The following DPP6 variants were observed in gnomAD, a reference collection of about 807,000 sequenced individuals.
The protein encoded by DPP6 is dipeptidyl peptidase like 6.
DPP6 carries 69 observed loss-of-function variants against 122.6 expected under a neutral mutation model. The observed-to-expected ratio is 0.56, with a 90% CI of 0.46 to 0.69. DPP6 has a LOEUF of 0.69. Ranked by LOEUF, DPP6 falls within the 30% of genes least tolerant of loss-of-function variation. DPP6 has a pLI of 0.00. For missense variants in DPP6, 928 were observed against 1,116.9 expected (o/e 0.83, Z 2.41); for synonymous variants, 418 against 433.1 (o/e 0.97, Z 0.43).
At chr7:154,767,158 C>T (rs1408164051) in intron 8 of DPP6, among the ~76,000 whole-genome samples, 7 of 152,108 alleles carry the variant, frequency 4.6e-5, no homozygotes, top group African/African-American at 1.4e-4. Context: ...TGGATTTTCC[C>T]GAGTCGGCTG....
At chr7:154,788,865 C>T (rs1248616314) in intron 10 of DPP6, among the ~76,000 whole-genome samples, 1 of 152,202 alleles carries the variant, frequency 6.6e-6, no homozygotes, top group African/African-American at 2.4e-5. Context: ...ATGTCACCTT[C>T]CTCTGCCTTG....
intron 10 of DPP6, among the ~76,000 whole-genome samples, chr7:154,788,836 T>A (rs1797497847): frequency 6.6e-6 from 1 of 152,182 alleles, no homozygotes; most frequent in African/African-American, 2.4e-5. Flanking sequence ...GGAAGGCTCA[T>A]CTTCTTCTTT....
chr7:153,938,582 G>A (rs774262942), intron 1 of DPP6, among the ~76,000 whole-genome samples: 19 of 152,194 alleles, frequency 1.2e-4, no homozygotes, highest in South Asian at 6.2e-4. Context: ...TTGCTAATGC[G>A]TTCATTACAT....
chr7:153,976,342 A>G (rs112886215), intron 1 of DPP6, among the ~76,000 whole-genome samples: 6,184 of 152,270 alleles, frequency 0.041, 162 homozygotes, highest in South Asian at 0.064. Context: ...CTAACAGACA[A>G]CAGTGTGGAA....
chr7:154,043,471 A>G (rs999881174), intron 1 of DPP6, among the ~76,000 whole-genome samples: 9 of 142,132 alleles, frequency 6.3e-5, no homozygotes, highest in African/African-American at 2.3e-4. Flanking sequence ...AAATGCTCAG[A>G]TAAGTATACC....
At chr7:154,864,282 A>T (rs3800574) in intron 17 of DPP6, among the ~76,000 whole-genome samples, 38,683 of 152,090 alleles carry the variant, frequency 0.25, 6,919 homozygotes, top group East Asian at 0.51. Context: ...CACAGTGGTG[A>T]TTCCATCAAT....
At position 154,483,381 on chromosome 7, in the gene DPP6, C is replaced by A. The variant is rs2151374545; in HGVS notation, c.457+8344C>A. On this transcript the variant is annotated intron_variant, in intron 3 of 25. Coordinates refer to ENST00000377770, the MANE Select transcript of DPP6 (RefSeq NM_130797.4). The surrounding 1 kb of genome is among the most constrained non-coding windows in gnomAD (Gnocchi z 8.1). ...TTTCTGTTAAAGGTAAACTGAGGCA[C>A]AATACAATTTTTTTTTTTTTAAAAG... is the stretch of plus-strand genomic sequence containing the variant. 8.2e-6 allele frequency among the ~76,000 whole-genome samples: 1 copy of A among 121,228 alleles called. No individual in the cohort carries two copies. Among genetic ancestry groups the A allele is most frequent in the African/African-American group, 3.3e-5 (1 of 30,286 alleles). The allele number at this position is 121,228 out of a possible 152,430, so 79.5% of individuals were successfully genotyped here.
the DPP6 span, among the ~76,000 whole-genome samples, chr7:153,790,335 C>A: frequency 7.1e-6 from 1 of 141,620 alleles, no homozygotes; most frequent in Non-Finnish European, 1.6e-5. Context: ...ACTAAATGAA[C>A]AAATAATTTC....
intron 2 of DPP6, among the ~76,000 whole-genome samples, chr7:154,452,364 G>T (rs771047780): frequency 6.6e-6 from 1 of 152,128 alleles, no homozygotes; most frequent in Non-Finnish European, 1.5e-5. Context: ...GCCAAGGCAG[G>T]AGTGGCTTCC....
At chr7:154,580,166 CACACACACAT>C (rs1445972178) in intron 5 of DPP6, among the ~76,000 whole-genome samples, 1 of 148,066 alleles carries the variant, frequency 6.8e-6, no homozygotes, top group Non-Finnish European at 1.5e-5. Context: ...CACACACACA[CACACACACAT>C]GCACACATAC....
chr7:154,397,512 A>G (rs1294312640), intron 1 of DPP6, among the ~76,000 whole-genome samples: 1 of 152,250 alleles, frequency 6.6e-6, no homozygotes, highest in Non-Finnish European at 1.5e-5. Flanking sequence ...CACCTGCACT[A>G]TTGAATAAAA....
chr7:153,794,746 A>G, the DPP6 span, among the ~76,000 whole-genome samples: 13 of 152,222 alleles, frequency 8.5e-5, no homozygotes, highest in East Asian at 2.1e-3. Flanking sequence ...CAGAATTTCC[A>G]TATGTTGTAG....
chr7:153,912,815 C>G (rs542452106), intron 1 of DPP6, among the ~76,000 whole-genome samples: 1 of 152,080 alleles, frequency 6.6e-6, no homozygotes, highest in African/African-American at 2.4e-5. Flanking sequence ...CTGTTAGAGC[C>G]CCACACAGCA....
intron 3 of DPP6, among the ~76,000 whole-genome samples, chr7:154,525,065 T>C (rs1021133316): frequency 5.3e-5 from 8 of 152,222 alleles, no homozygotes; most frequent in African/African-American, 1.7e-4. Context: ...GTGTGTAGTT[T>C]TGAACAATAA....
the DPP6 span, among the ~76,000 whole-genome samples, chr7:153,841,919 T>A: frequency 9.2e-5 from 14 of 151,956 alleles, no homozygotes; most frequent in East Asian, 2.7e-3. Flanking sequence ...ACAAAATAAC[T>A]GTGTCATTCT....
In DPP6 at chr7:154,403,907, C is replaced by T. The variant is rs1815856504; in HGVS notation, c.244-42307C>T. Among the ~76,000 whole-genome samples the T allele has an allele frequency of 6.6e-6, 1 of 152,208 alleles. No individual in the cohort carries two copies. Among genetic ancestry groups the T allele is most frequent in the African/African-American group, 2.4e-5 (1 of 41,458 alleles). ...TTCTAGAAAATTTGGAGCTGAAGTG[C>T]TCGGAAGGCCACTGATTTTAAGCTC... is the stretch of plus-strand genomic sequence containing the variant. On this transcript the variant is annotated intron_variant, in intron 1 of 25. Coordinates refer to ENST00000377770, the MANE Select transcript of DPP6 (RefSeq NM_130797.4). This position sits in a 1 kb window ranked among gnomAD's most constrained non-coding sequence, Gnocchi z 4.1.
intron 1 of DPP6, among the ~76,000 whole-genome samples, chr7:154,112,721 C>A (rs998924957): frequency 6.6e-6 from 1 of 152,036 alleles, no homozygotes; most frequent in Non-Finnish European, 1.5e-5. Flanking sequence ...AACATAACTA[C>A]AAACTTTCTT....
chr7:154,867,476 A>C (rs1803984654), intron 17 of DPP6, among the ~76,000 whole-genome samples: 1 of 152,240 alleles, frequency 6.6e-6, no homozygotes, highest in Admixed American at 6.5e-5. Context: ...AAATACAGTC[A>C]CCGAAGTTAA....
intron 1 of DPP6, among the ~76,000 whole-genome samples, chr7:154,163,174 C>T (rs1240923847): frequency 6.6e-6 from 1 of 152,104 alleles, no homozygotes; most frequent in Non-Finnish European, 1.5e-5. Flanking sequence ...TTGAGTGGAA[C>T]TCTACACCTG....
Sources: allele counts gnomAD v4.1 joint callset (sites outside exome capture counted in the v4.1 genomes callset), GRCh38; gene constraint gnomAD v4.1.1; non-coding constraint Gnocchi (gnomAD v3.1); transcripts MANE v1.5; gene names NCBI Gene and HGNC (gene_info 2026-07-23, HGNC 2026-07-21).